THSD7A: variants seen among roughly 807,000 people sequenced by gnomAD.
THSD7A encodes thrombospondin type-1 domain-containing protein 7A.
In THSD7A, 96 loss-of-function variants were observed where a neutral mutation model predicts 231.3. The ratio of observed to expected loss-of-function variants is 0.41; its 90% CI spans 0.35 to 0.49. THSD7A has a LOEUF of 0.49. THSD7A is among the 20% of genes least tolerant of loss of function. The pLI, the probability that THSD7A is intolerant of heterozygous loss-of-function variation, is 0.05. For synonymous variants in THSD7A, 940 were observed against 743.3 expected (o/e 1.26, Z -4.30); for missense variants, 2,290 against 2,070.2 (o/e 1.11, Z -2.06).
At chr7:11,577,830 C>T (rs758559018) in intron 4 of THSD7A, among the ~76,000 whole-genome samples, 95 of 151,930 alleles carry the variant, frequency 6.3e-4, no homozygotes, top group Non-Finnish European at 9.1e-4. Context: ...AGGGTTACTA[C>T]AAGCATCTTT....
At chr7:11,797,559 G>C (rs892042467) in intron 1 of THSD7A, among the ~76,000 whole-genome samples, 3 of 151,674 alleles carry the variant, frequency 2.0e-5, no homozygotes, top group Non-Finnish European at 4.4e-5. Flanking sequence ...TGGGACTACA[G>C]ATGCACATCA....
chr7:11,604,800 A>T (rs1780680798), intron 2 of THSD7A, among the ~76,000 whole-genome samples: 1 of 152,162 alleles, frequency 6.6e-6, no homozygotes, highest in South Asian at 2.1e-4. Context: ...TATATCCAGC[A>T]TATATCCAGT....
chr7:11,798,011 A>G (rs980563896), intron 1 of THSD7A, among the ~76,000 whole-genome samples: 1 of 152,170 alleles, frequency 6.6e-6, no homozygotes, highest in African/African-American at 2.4e-5. Flanking sequence ...AAATATAGAC[A>G]TTGTGAGCAA....
At chr7:11,643,323 A>C (rs1382623112) in intron 1 of THSD7A, among the ~76,000 whole-genome samples, 2 of 152,112 alleles carry the variant, frequency 1.3e-5, no homozygotes, top group Non-Finnish European at 2.9e-5. Context: ...TAACAAAATT[A>C]AAACAAAATT....
chr7:11,537,564 C>T (rs1031281830), intron 6 of THSD7A, among the ~76,000 whole-genome samples: 1 of 152,122 alleles, frequency 6.6e-6, no homozygotes, highest in Non-Finnish European at 1.5e-5. Context: ...TAGCCTTCCA[C>T]CATGAGTAAA....
chr7:11,603,989 T>C (rs1432426610), intron 2 of THSD7A, among the ~76,000 whole-genome samples: 1 of 150,920 alleles, frequency 6.6e-6, no homozygotes, highest in Non-Finnish European at 1.5e-5. Context: ...GTAACTAATC[T>C]GCACAATGTG....
intron 1 of THSD7A, chr7:11,751,130 T>C (rs958924026): frequency 4.6e-5 from 7 of 152,064 alleles, no homozygotes; most frequent in African/African-American, 1.7e-4. Context: ...ACCCATGTCT[T>C]TCTTACTTTC....
intron 1 of THSD7A, among the ~76,000 whole-genome samples, chr7:11,797,068 C>G (rs947530093): frequency 2.0e-5 from 3 of 152,020 alleles, no homozygotes; most frequent in African/African-American, 7.2e-5. Context: ...GTTAAACTCC[C>G]CAGACATCCT....
chr7:11,535,201 A>AG (rs2128320599), intron 6 of THSD7A, among the ~76,000 whole-genome samples: 1 of 152,300 alleles, frequency 6.6e-6, no homozygotes, highest in East Asian at 1.9e-4. Context: ...AATTATATAG[A>AG]AAATCCTACT....
chr7:11,820,527 T>C, intron 1 of THSD7A: 1 of 757,426 alleles, frequency 1.3e-6, no homozygotes. Context: ...GTCCCACTCC[T>C]CTTACCGGTT....
At chr7:11,555,771 T>C (rs996646606) in intron 4 of THSD7A, among the ~76,000 whole-genome samples, 10 of 151,780 alleles carry the variant, frequency 6.6e-5, no homozygotes, top group African/African-American at 2.4e-4. Context: ...CACAAACACA[T>C]AGAATTCCTT....
At position 11,446,440 on chromosome 7, in the gene THSD7A, C is replaced by G. The variant is rs1784974545; in HGVS notation, c.2801-116G>C. 2 of 1,172,048 alleles carry G rather than the reference C, an allele frequency of 1.7e-6. No individual in the cohort carries two copies. The highest frequency in any genetic ancestry group is 2.4e-6 in the Non-Finnish European group (2 of 835,266). The allele number at this position is 1,172,048 out of a possible 1,614,324, so 72.6% of individuals were successfully genotyped here. A position where few individuals can be genotyped will look rare whatever the true frequency, so the allele number is the denominator to read the frequency against. ...TTTCTTCATTTTTAACCATATTTAA[C>G]AGTAGCCTATAAATCAATGCTATTT... On this transcript the variant is annotated intron_variant, in intron 12 of 27. Transcript: ENST00000423059. This position sits in a 1 kb window ranked among gnomAD's most constrained non-coding sequence, Gnocchi z 4.0.
intron 6 of THSD7A, among the ~76,000 whole-genome samples, chr7:11,522,879 T>G (rs572762133): frequency 2.2e-4 from 33 of 152,274 alleles, no homozygotes; most frequent in African/African-American, 7.9e-4. Context: ...ATGATATTTT[T>G]CTTTCGTTAT....
intron 6 of THSD7A, among the ~76,000 whole-genome samples, chr7:11,530,370 G>C (rs1324095668): frequency 1.3e-5 from 2 of 152,062 alleles, no homozygotes; most frequent in African/African-American, 4.8e-5. Flanking sequence ...TACTTGAGGA[G>C]AAATTAAGAG....
In THSD7A at chr7:11,417,514, C is replaced by T. The variant is rs761667517; in HGVS notation, c.3473G>A (p.Cys1158Tyr). 5 of 1,613,732 alleles carry T rather than the reference C, an allele frequency of 3.1e-6. No homozygotes were observed. The highest frequency in any genetic ancestry group is 4.2e-6 in the Non-Finnish European group (5 of 1,179,764). The change falls in exon 17 of 28, where the codon TGC (cysteine) becomes TAC (tyrosine). Residue 1158 changes from cysteine to tyrosine, a missense_variant. Physicochemically the swap from Cys to Tyr is radical, Grantham distance 194. Coordinates refer to ENST00000423059, the MANE Select transcript of THSD7A (RefSeq NM_015204.3). Reference sequence around the variant, plus strand: ...ACAGTCCTCAGGGCATGGTAATTTGCACACTCTAGAGCCCAGGGGCATCTC... The same window carrying T: ...ACAGTCCTCAGGGCATGGTAATTTGTACACTCTAGAGCCCAGGGGCATCTC... ...PEEMPLGSRV[C>Y]KLPCPEDCVI... is the part of the protein sequence containing the mutation.
chr7:11,391,220 C>CCTAT (rs1782968198), intron 23 of THSD7A, among the ~76,000 whole-genome samples: 1 of 152,186 alleles, frequency 6.6e-6, no homozygotes, highest in Admixed American at 6.5e-5. Flanking sequence ...GGTGCTCTGT[C>CCTAT]CCAGGGAGAT....
intron 7 of THSD7A, among the ~76,000 whole-genome samples, chr7:11,480,496 G>T (rs1442430293): frequency 6.6e-6 from 1 of 152,118 alleles, no homozygotes; most frequent in East Asian, 1.9e-4. Flanking sequence ...ATCTTCACGA[G>T]GTTAGAGTCA....
At chr7:11,545,569 A>T (rs79135711) in intron 4 of THSD7A, among the ~76,000 whole-genome samples, 50 of 152,252 alleles carry the variant, frequency 3.3e-4, no homozygotes, top group African/African-American at 1.2e-3. Context: ...CTAAAAGAAG[A>T]GGAAGCTGGG....
chr7:11,459,064 C>A (rs1345736857), intron 11 of THSD7A, among the ~76,000 whole-genome samples: 1 of 152,190 alleles, frequency 6.6e-6, no homozygotes, highest in South Asian at 2.1e-4. Flanking sequence ...TGTATTTCCT[C>A]CAGTGGTGTT....
Sources: gnomAD v4.1 joint callset for allele counts (sites outside exome capture counted in the v4.1 genomes callset) on GRCh38, gnomAD v4.1.1 for gene constraint, Gnocchi (gnomAD v3.1) non-coding constraint, MANE v1.5 for transcripts, NCBI Gene and HGNC (gene_info 2026-07-23, HGNC 2026-07-21) for gene names.